The following AUTS2 variants were observed in gnomAD, a reference collection of about 807,000 sequenced individuals.
The protein encoded by AUTS2 is activator of transcription and developmental regulator AUTS2.
AUTS2 carries 17 observed loss-of-function variants against 112.4 expected under a neutral mutation model. The observed-to-expected ratio is 0.15, with a 90% CI of 0.10 to 0.23. The LOEUF (loss-of-function observed/expected upper bound fraction) is 0.23. Ranked by LOEUF, AUTS2 falls within the 10% of genes least tolerant of loss-of-function variation. The pLI, the probability that AUTS2 is intolerant of heterozygous loss-of-function variation, is 1.00. For synonymous variants in AUTS2, 751 were observed against 702.7 expected, an observed-to-expected ratio of 1.07 and a Z score of -1.09; for missense variants, 1,510 against 1,701.6, an observed-to-expected ratio of 0.89 and a Z score of 1.98.
At chr7:70,027,753 C>A (rs1353076697) in intron 2 of AUTS2, among the ~76,000 whole-genome samples, 2 of 152,116 alleles carry the variant, frequency 1.3e-5, no homozygotes, top group Admixed American at 6.5e-5. Context: ...GAGAAAGACT[C>A]TTCATGTTTG....
chr7:70,692,065 G>A (rs947541797), intron 5 of AUTS2, among the ~76,000 whole-genome samples: 2 of 151,878 alleles, frequency 1.3e-5, no homozygotes, highest in Non-Finnish European at 1.5e-5. Flanking sequence ...ACGGGGTTTC[G>A]CCATGTTAGC....
intron 5 of AUTS2, among the ~76,000 whole-genome samples, chr7:70,528,230 A>G (rs1799937194): frequency 6.6e-6 from 1 of 151,452 alleles, no homozygotes; most frequent in East Asian, 1.9e-4. Context: ...CCATGGGTCA[A>G]GATTCCCCCA....
chr7:69,845,337 C>T (rs947552663), intron 1 of AUTS2, among the ~76,000 whole-genome samples: 1 of 152,148 alleles, frequency 6.6e-6, no homozygotes, highest in African/African-American at 2.4e-5. Context: ...TCCGTTATCC[C>T]TGCCCTCAAA....
intron 1 of AUTS2, among the ~76,000 whole-genome samples, chr7:69,870,124 A>G (rs1793416360): frequency 6.6e-6 from 1 of 152,066 alleles, no homozygotes; most frequent in South Asian, 2.1e-4. Context: ...GCAAGAGAAC[A>G]TGGATTGACA....
At chr7:70,648,760 A>G (rs1342501768) in intron 5 of AUTS2, among the ~76,000 whole-genome samples, 1 of 151,736 alleles carries the variant, frequency 6.6e-6, no homozygotes, top group Non-Finnish European at 1.5e-5. Flanking sequence ...TTTTTTTTAA[A>G]TTTTTGGTAG....
intron 4 of AUTS2, among the ~76,000 whole-genome samples, chr7:70,312,586 C>T (rs923816179): frequency 1.3e-5 from 2 of 152,040 alleles, no homozygotes; most frequent in African/African-American, 4.8e-5. Flanking sequence ...CCACCAACAC[C>T]CCTCACAATT....
At chr7:69,848,044 G>A (rs1792288983) in intron 1 of AUTS2, among the ~76,000 whole-genome samples, 1 of 152,210 alleles carries the variant, frequency 6.6e-6, no homozygotes, top group Non-Finnish European at 1.5e-5. Flanking sequence ...ATAGAGAACA[G>A]CCATCTGTAC....
chr7:69,687,607 T>G (rs906550245), intron 1 of AUTS2, among the ~76,000 whole-genome samples: 1 of 152,206 alleles, frequency 6.6e-6, no homozygotes, highest in African/African-American at 2.4e-5. Flanking sequence ...GAAACACTAG[T>G]CTAATGGATC....
At chr7:69,965,682 G>A (rs1045762709) in intron 2 of AUTS2, among the ~76,000 whole-genome samples, 4 of 152,230 alleles carry the variant, frequency 2.6e-5, no homozygotes, top group East Asian at 1.9e-4. Context: ...ATTGAGAGGG[G>A]CCAGTAGGAA....
intron 2 of AUTS2, among the ~76,000 whole-genome samples, chr7:70,096,045 A>C (rs765501574): frequency 2.6e-5 from 4 of 152,178 alleles, no homozygotes; most frequent in Non-Finnish European, 4.4e-5. Flanking sequence ...TCTGAGTTCA[A>C]GACCTACCCT....
chr7:69,610,446 G>T (rs2129078253), intron 1 of AUTS2, among the ~76,000 whole-genome samples: 1 of 152,302 alleles, frequency 6.6e-6, no homozygotes, highest in East Asian at 1.9e-4. Flanking sequence ...TGAAAAATAT[G>T]AGTCCTTTTT....
chr7:70,473,488 C>G (rs1010870297), intron 5 of AUTS2, among the ~76,000 whole-genome samples: 2 of 152,092 alleles, frequency 1.3e-5, no homozygotes, highest in Non-Finnish European at 2.9e-5. Flanking sequence ...AGCACAAAAC[C>G]AAGGGCATCA....
intron 2 of AUTS2, among the ~76,000 whole-genome samples, chr7:70,098,999 G>T (rs533274917): frequency 5.9e-5 from 9 of 151,974 alleles, no homozygotes; most frequent in African/African-American, 1.4e-4. Flanking sequence ...ACTGTGCCTG[G>T]CCTTATACTG....
At chr7:69,982,499 C>T (rs904069530) in intron 2 of AUTS2, among the ~76,000 whole-genome samples, 2 of 152,032 alleles carry the variant, frequency 1.3e-5, no homozygotes, top group African/African-American at 4.8e-5. Flanking sequence ...TTTCCTTGGA[C>T]CTCTGGAGTA....
intron 5 of AUTS2, among the ~76,000 whole-genome samples, chr7:70,599,341 A>G (rs546246162): frequency 6.0e-4 from 91 of 152,330 alleles, no homozygotes; most frequent in African/African-American, 2.1e-3. Flanking sequence ...GTACCTTTTA[A>G]TGACCTAGTA....
intron 1 of AUTS2, among the ~76,000 whole-genome samples, chr7:69,860,078 T>C (rs1437018302): frequency 6.6e-6 from 1 of 152,150 alleles, no homozygotes; most frequent in Admixed American, 6.5e-5. Context: ...TTTTATTTTC[T>C]GTCTCTGATG....
chr7:70,781,028 A>G (rs182581199), intron 14 of AUTS2, among the ~76,000 whole-genome samples: 3 of 152,276 alleles, frequency 2.0e-5, no homozygotes, highest in Non-Finnish European at 4.4e-5. Flanking sequence ...CAGTCTCCAT[A>G]AATAGGATAT....
intron 1 of AUTS2, among the ~76,000 whole-genome samples, chr7:69,799,086 C>G (rs1789971702): frequency 6.6e-6 from 1 of 150,476 alleles, no homozygotes; most frequent in African/African-American, 2.4e-5. Flanking sequence ...TTTTTTTTTC[C>G]TCAATCACAG....
chr7:70,262,166 T>A (rs1052068777), intron 4 of AUTS2, among the ~76,000 whole-genome samples: 1 of 152,212 alleles, frequency 6.6e-6, no homozygotes, highest in Non-Finnish European at 1.5e-5. Context: ...AATTTTAATT[T>A]TAGTTTTTTA....
Sources: allele counts gnomAD v4.1 joint callset (sites outside exome capture counted in the v4.1 genomes callset), GRCh38; gene constraint gnomAD v4.1.1; transcripts MANE v1.5; gene names NCBI Gene and HGNC (gene_info 2026-07-23, HGNC 2026-07-21).